PHKA2: variants seen among roughly 807,000 people sequenced by gnomAD.
PHKA2 encodes phosphorylase kinase regulatory subunit alpha 2.
In PHKA2, 31 loss-of-function variants were observed where a neutral mutation model predicts 102.0. That is an observed-to-expected ratio of 0.30 (90% confidence interval 0.23 to 0.41). PHKA2 has a LOEUF of 0.41. PHKA2 is among the 10% of genes least tolerant of loss of function. The pLI is 1.00. For missense variants in PHKA2, 858 were observed against 1,023.1 expected, an observed-to-expected ratio of 0.84 and a Z score of 2.20; for synonymous variants, 455 against 416.2, an observed-to-expected ratio of 1.09 and a Z score of -1.13.
rs2147816647 is a variant in PHKA2 at position 18,897,282 on chromosome X, C to T, written c.3163G>A (p.Gly1055Arg). Residue 1055 changes from glycine (G) to arginine (R), a missense_variant, in exon 30 of 33, where the codon GGA becomes AGA. Gly to Arg is a moderately radical substitution (Grantham distance 125, BLOSUM62 -2). Coordinates refer to ENST00000379942, the MANE Select transcript of PHKA2 (RefSeq NM_000292.3). ...CGCTCACCCCAGCCGATGTGATGTC[C>T]TCCCGAGTCTGAGGATGACGTGCCA... Reference protein sequence around the residue: ...PTGTSSSDSGGHHIGWGERQG... With the variant: ...PTGTSSSDSGRHHIGWGERQG... 6 of 1,211,112 alleles carry T rather than the reference C, an allele frequency of 5.0e-6. No homozygotes were observed. The highest frequency in any genetic ancestry group is 6.7e-6 in the Non-Finnish European group (6 of 895,334).
chrX:18,901,073 T>C (rs977058747), intron 27 of PHKA2, among the ~76,000 whole-genome samples: 2 of 106,300 alleles, frequency 1.9e-5, no homozygotes, highest in South Asian at 4.3e-4. Context: ...CTGTGGCTGG[T>C]GGAGAATCCA....
At chrX:18,966,534 T>C (rs950071624) in intron 1 of PHKA2, among the ~76,000 whole-genome samples, 3 of 112,164 alleles carry the variant, frequency 2.7e-5, no homozygotes, top group African/African-American at 9.8e-5. Context: ...TTTGAGCACT[T>C]TTTTTCTATG....
At chrX:18,963,417 A>G (rs775400225) in intron 1 of PHKA2, among the ~76,000 whole-genome samples, 1 of 112,099 alleles carries the variant, frequency 8.9e-6, no homozygotes, top group South Asian at 3.7e-4. Flanking sequence ...CTCTGTCACT[A>G]CCTGGGACAA....
At chrX:18,902,527 C>T (rs550047771) in intron 26 of PHKA2, among the ~76,000 whole-genome samples, 7 of 107,702 alleles carry the variant, frequency 6.5e-5, no homozygotes, top group East Asian at 3.0e-4. Flanking sequence ...TTTGGGAGGC[C>T]GAGGCGGGCA....
At chrX:18,918,574 G>A (rs2048059398) in intron 19 of PHKA2, 107 bp downstream of exon 19, 1 of 736,088 alleles carries the variant, frequency 1.4e-6, no homozygotes, top group Admixed American at 2.3e-5. Context: ...GAAGCACGTG[G>A]GGGGCATTTT....
intron 7 of PHKA2, 51 bp from the exon 8 acceptor site, chrX:18,941,726 CAGT>C: frequency 6.6e-6 from 6 of 910,993 alleles, no homozygotes; most frequent in Non-Finnish European, 9.7e-6. Flanking sequence ...CTAATAGGCG[CAGT>C]ATCTAGGGAC....
intron 26 of PHKA2, among the ~76,000 whole-genome samples, chrX:18,905,425 T>A (rs1243343814): frequency 9.0e-6 from 1 of 111,564 alleles, no homozygotes. Flanking sequence ...TCCGCCCACC[T>A]CAGCCTCCCA....
chrX:18,895,988 C>A (rs1199084115), intron 30 of PHKA2: 1 of 111,760 alleles, frequency 8.9e-6, no homozygotes, highest in African/African-American at 3.3e-5. Flanking sequence ...CTGCTCCGAC[C>A]TCCTCACATC....
At chrX:18,923,731 C>T (rs1401964148) in intron 17 of PHKA2, among the ~76,000 whole-genome samples, 2 of 112,259 alleles carry the variant, frequency 1.8e-5, no homozygotes, top group Non-Finnish European at 3.8e-5. Context: ...TATTTTCTTC[C>T]ACACCTTTTA....
At position 18,928,877 on chromosome X, in the gene PHKA2, G is replaced by A. The variant is rs141742861; in HGVS notation, c.1324+351C>T. Among the ~76,000 whole-genome samples, 1,060 of 112,951 alleles carry A rather than the reference G, an allele frequency of 9.4e-3. 5 individuals carry two copies. The highest frequency in any genetic ancestry group is 0.015 in the Non-Finnish European group (785 of 53,318). ...GAAAGATGTCAGGACTCCAAGGGAG[G>A]AATGAATGACCCTCAGTTGGGTTCT... On this transcript the variant is annotated intron_variant, in intron 13 of 32. Coordinates refer to ENST00000379942, the MANE Select transcript of PHKA2 (RefSeq NM_000292.3).
intron 1 of PHKA2, among the ~76,000 whole-genome samples, chrX:18,979,695 C>G (rs1160547250): frequency 9.0e-6 from 1 of 111,623 alleles, no homozygotes; most frequent in Non-Finnish European, 1.9e-5. Flanking sequence ...TATTTAGCAG[C>G]AAGTATATTT....
chrX:18,910,924 G>A lies in PHKA2; in HGVS notation c.2174C>T (p.Ala725Val), dbSNP rs2047911316. 1 of 1,195,395 alleles carries A rather than the reference G, an allele frequency of 8.4e-7. No individual in the cohort carries two copies. The highest frequency in any genetic ancestry group is 1.7e-5 in the African/African-American group (1 of 57,449). ...AACAAGATTCAGTGATTTACGGTGG[G>A]CACTTAGAACTTTAGTCGGCAAAGT... Reference protein sequence around the residue: ...PMTLPTKVLSAHRKSLNLVDS... With the variant: ...PMTLPTKVLSVHRKSLNLVDS... Residue 725 changes from alanine to valine, a missense_variant, in exon 20 of 33, where the codon GCC becomes GTC. By Grantham distance (64) the Ala-to-Val change is moderately conservative. Coordinates refer to ENST00000379942, the MANE Select transcript of PHKA2 (RefSeq NM_000292.3).
intron 6 of PHKA2, among the ~76,000 whole-genome samples, chrX:18,944,019 T>C (rs2048537579): frequency 9.1e-6 from 1 of 110,489 alleles, no homozygotes; most frequent in Admixed American, 9.7e-5. Flanking sequence ...CTCGCCATTT[T>C]GCCAGGGCTG....
intron 3 of PHKA2, among the ~76,000 whole-genome samples, 157 bp downstream of exon 3, chrX:18,952,329 CAAAAAAAA>C (rs1198542984): frequency 5.7e-5 from 2 of 35,336 alleles, no homozygotes; most frequent in African/African-American, 1.5e-4. Context: ...GACCCTGTCT[CAAAAAAAA>C]AAAAAAAAAA....
chrX:18,952,474 C>T lies in PHKA2; in HGVS notation c.285+20G>A, dbSNP rs777325216. 28 of 1,196,962 alleles carry T rather than the reference C, an allele frequency of 2.3e-5. No individual in the cohort carries two copies. Among genetic ancestry groups the T allele is most frequent in the Non-Finnish European group, 2.7e-5 (24 of 881,782 alleles). ...ACATGGAATGCCCACTTGGCAAACA[C>T]GTGTGTGGGTTCTGCCTACCTGTCT... is the stretch of plus-strand genomic sequence containing the variant. On this transcript the variant is annotated intron_variant, in intron 3 of 32. Coordinates refer to ENST00000379942, the MANE Select transcript of PHKA2 (RefSeq NM_000292.3).
intron 19 of PHKA2, among the ~76,000 whole-genome samples, chrX:18,913,960 C>T (rs111363255): frequency 0.025 from 2,777 of 111,836 alleles, 35 homozygotes; most frequent in African/African-American, 0.061. Context: ...AACTGGTCTG[C>T]GGCTGTTTCA....
chrX:18,909,824 G>A (rs934167824), intron 20 of PHKA2, among the ~76,000 whole-genome samples: 2 of 112,319 alleles, frequency 1.8e-5, no homozygotes, highest in Non-Finnish European at 3.8e-5. Flanking sequence ...AGACGGAGCC[G>A]AAAAGCCCTC....
rs748964864 is a variant in PHKA2 at position 18,957,738 on chromosome X, T to TTATATA, written c.79-3332_79-3327dup. On this transcript the variant is annotated intron_variant, in intron 1 of 32. Transcript: ENST00000379942. ...TTTCCTATGTGTTACTAAAACCAGA[T>TTATATA]TATATATATATATATATATATAATT... Among the ~76,000 whole-genome samples the TTATATA allele has an allele frequency of 1.8e-3, 167 of 95,143 alleles. 4 individuals are homozygous for TTATATA. Among genetic ancestry groups the TTATATA allele is most frequent in the African/African-American group, 6.8e-3 (155 of 22,764 alleles). The allele number at this position is 95,143 out of a possible 115,157, so 82.6% of individuals were successfully genotyped here.
At chrX:18,893,756 GT>G (rs2047475318) in intron 32 of PHKA2, 101 bp from the exon 33 acceptor site, 7 of 787,989 alleles carry the variant, frequency 8.9e-6, no homozygotes, top group Non-Finnish European at 1.2e-5. Flanking sequence ...AGGGGTGAGG[GT>G]TGCTCTAGTA....
Sources: allele counts gnomAD v4.1 joint callset (sites outside exome capture counted in the v4.1 genomes callset), GRCh38; gene constraint gnomAD v4.1.1; transcripts MANE v1.5; gene names NCBI Gene and HGNC (gene_info 2026-07-23, HGNC 2026-07-21).